Variants in FRMD4A observed in about 807,000 individuals in gnomAD.
FRMD4A encodes the protein FERM domain-containing protein 4A.
In FRMD4A, 29 loss-of-function variants were observed where a neutral mutation model predicts 129.1. That is an observed-to-expected ratio of 0.22 (90% confidence interval 0.17 to 0.31). FRMD4A has a LOEUF of 0.31. Among genes scored for constraint, FRMD4A ranks in the 10% least tolerant of loss-of-function variants. The pLI is 1.00. For missense variants in FRMD4A, 1,272 were observed against 1,375.8 expected (o/e 0.92, Z 1.19); for synonymous variants, 634 against 571.6 (o/e 1.11, Z -1.56).
chr10:13,690,489 G>C (rs373686752), intron 15 of FRMD4A, among the ~76,000 whole-genome samples: 4 of 152,228 alleles, frequency 2.6e-5, no homozygotes, highest in African/African-American at 7.2e-5. Context: ...CCTGTTTGCA[G>C]TGCGTCCCCC....
At chr10:14,094,225 C>T (rs750837977) in intron 2 of FRMD4A, among the ~76,000 whole-genome samples, 4 of 152,208 alleles carry the variant, frequency 2.6e-5, no homozygotes, top group Non-Finnish European at 5.9e-5. Context: ...AACCCAAATG[C>T]CAGACGACAT....
intron 13 of FRMD4A, among the ~76,000 whole-genome samples, chr10:13,703,257 G>A (rs919945321): frequency 6.6e-6 from 1 of 151,872 alleles, no homozygotes; most frequent in Non-Finnish European, 1.5e-5. Context: ...CAGATACTCA[G>A]AGTTCTTCTC....
At chr10:14,144,115 C>G (rs1273211090) in intron 2 of FRMD4A, among the ~76,000 whole-genome samples, 1 of 152,182 alleles carries the variant, frequency 6.6e-6, no homozygotes, top group African/African-American at 2.4e-5. Context: ...GCTGTCTACA[C>G]GCTCCTGAGG....
At chr10:13,754,951 G>A (rs1356749112) in intron 8 of FRMD4A, among the ~76,000 whole-genome samples, 1 of 152,090 alleles carries the variant, frequency 6.6e-6, no homozygotes, top group Non-Finnish European at 1.5e-5. Context: ...ATCTAATAAC[G>A]ATTTGAAACC....
chr10:13,781,306 T>TTAAA (rs1554894201), intron 6 of FRMD4A, among the ~76,000 whole-genome samples: 2 of 79,284 alleles, frequency 2.5e-5, no homozygotes, highest in South Asian at 6.5e-4. Flanking sequence ...TCTTAAAAAT[T>TTAAA]AAAAAAAAAA....
intron 2 of FRMD4A, among the ~76,000 whole-genome samples, chr10:14,293,522 C>G (rs1474185815): frequency 6.6e-6 from 1 of 152,066 alleles, no homozygotes. Context: ...TTGTACTTCA[C>G]TGATAATCAG....
chr10:13,837,324 C>G (rs942607526), intron 3 of FRMD4A, among the ~76,000 whole-genome samples: 3 of 152,210 alleles, frequency 2.0e-5, no homozygotes, highest in Admixed American at 1.3e-4. Context: ...CTCCCAAAGC[C>G]TACTGGGCCG....
At chr10:14,067,589 C>T (rs904578182) in intron 2 of FRMD4A, among the ~76,000 whole-genome samples, 7 of 151,412 alleles carry the variant, frequency 4.6e-5, no homozygotes, top group Admixed American at 1.3e-4. Context: ...GAGGCCGAGG[C>T]GGGCGGATCA....
chr10:13,723,056 TGCTGGTTAGCTAGGTCTCCAA>T (rs532893462), intron 12 of FRMD4A, among the ~76,000 whole-genome samples: 1,671 of 151,948 alleles, frequency 0.011, 60 homozygotes, highest in East Asian at 0.11. Context: ...TAGGTCACCA[TGCTGGTTAGCTAGGTCTCCAA>T]GCTGGTTAGC....
chr10:14,007,909 T>C (rs1032982083), intron 2 of FRMD4A: 4 of 947,600 alleles, frequency 4.2e-6, no homozygotes, highest in African/African-American at 3.4e-5. Context: ...GTTAAAAAAC[T>C]AAAATTACAG....
intron 2 of FRMD4A, among the ~76,000 whole-genome samples, chr10:14,145,669 C>G (rs918069543): frequency 7.2e-5 from 11 of 152,160 alleles, no homozygotes; most frequent in African/African-American, 2.7e-4. Context: ...GAAACCGAGG[C>G]ACAGAGAGGT....
chr10:13,687,490 T>C (rs564894494), intron 15 of FRMD4A, among the ~76,000 whole-genome samples: 1 of 152,330 alleles, frequency 6.6e-6, no homozygotes, highest in East Asian at 1.9e-4. Context: ...CAACATTTTC[T>C]GGAATTTCAA....
intron 6 of FRMD4A, among the ~76,000 whole-genome samples, chr10:13,773,499 C>T (rs1334073150): frequency 5.9e-5 from 9 of 152,168 alleles, no homozygotes; most frequent in East Asian, 1.9e-4. Flanking sequence ...AAAGGTCTTT[C>T]GACATGAGCA....
At chr10:13,878,222 CAAAAA>C (rs34559071) in intron 2 of FRMD4A, among the ~76,000 whole-genome samples, 3 of 91,332 alleles carry the variant, frequency 3.3e-5, no homozygotes, top group African/African-American at 4.1e-5. Flanking sequence ...CTACTTGTAG[CAAAAA>C]AAAAAAAAAA....
intron 4 of FRMD4A, among the ~76,000 whole-genome samples, chr10:13,801,145 G>A (rs1372082066): frequency 6.6e-5 from 10 of 152,292 alleles, no homozygotes; most frequent in Non-Finnish European, 4.4e-5. Flanking sequence ...TTCTTGGGAG[G>A]CTGAGGCAGG....
At chr10:13,716,560 C>T (rs888212515) in intron 12 of FRMD4A, among the ~76,000 whole-genome samples, 1 of 152,214 alleles carries the variant, frequency 6.6e-6, no homozygotes, top group Admixed American at 6.5e-5. Context: ...GATGTTCTTC[C>T]GGCCAATTGC....
chr10:14,284,149 T>A (rs1225251482), intron 2 of FRMD4A, among the ~76,000 whole-genome samples: 1 of 152,180 alleles, frequency 6.6e-6, no homozygotes, highest in East Asian at 1.9e-4. Flanking sequence ...TGTAATCAGT[T>A]CCGCAGAGGC....
At chr10:14,321,302 T>C (rs889825455) in intron 2 of FRMD4A, among the ~76,000 whole-genome samples, 2 of 151,154 alleles carry the variant, frequency 1.3e-5, no homozygotes, top group African/African-American at 4.9e-5. Context: ...TATCATCTAG[T>C]GATAAGTAAA....
intron 3 of FRMD4A, among the ~76,000 whole-genome samples, chr10:13,830,393 G>A (rs903230494): frequency 6.6e-6 from 1 of 152,186 alleles, no homozygotes; most frequent in Non-Finnish European, 1.5e-5. Flanking sequence ...ACAAGAAGGT[G>A]AAAAAACAGC....
Sources: gnomAD v4.1 joint callset for allele counts (sites outside exome capture counted in the v4.1 genomes callset) on GRCh38, gnomAD v4.1.1 for gene constraint, MANE v1.5 for transcripts, NCBI Gene and HGNC (gene_info 2026-07-23, HGNC 2026-07-21) for gene names.